Variants in CHIC1 observed in about 807,000 individuals in gnomAD.
CHIC1 encodes the protein cysteine-rich hydrophobic domain-containing protein 1.
Under a neutral mutation model 18.5 loss-of-function variants are expected in CHIC1, and 7 were observed. The observed-to-expected ratio is 0.38, with a 90% CI of 0.22 to 0.71. The LOEUF (loss-of-function observed/expected upper bound fraction) is 0.71. Among genes scored for constraint, CHIC1 ranks in the 30% least tolerant of loss-of-function variants. CHIC1 has a pLI of 0.49. For missense variants in CHIC1, 159 were observed against 176.9 expected (o/e 0.90, Z 0.57); for synonymous variants, 77 against 73.5 (o/e 1.05, Z -0.25).
chrX:73,670,926 C>T (rs1234931597), intron 3 of CHIC1, among the ~76,000 whole-genome samples: 1 of 111,713 alleles, frequency 9.0e-6, no homozygotes, highest in Non-Finnish European at 1.9e-5. Context: ...TTTTACTTAA[C>T]ATGTTTTTTG....
chrX:73,640,226 G>C (rs910039602), intron 3 of CHIC1, among the ~76,000 whole-genome samples: 10 of 111,597 alleles, frequency 9.0e-5, no homozygotes, highest in Non-Finnish European at 1.5e-4. Flanking sequence ...AGTTTATTGA[G>C]GGTTTTTAAC....
chrX:73,578,952 G>T (rs1384835378), intron 2 of CHIC1, among the ~76,000 whole-genome samples: 3 of 110,344 alleles, frequency 2.7e-5, no homozygotes, highest in Non-Finnish European at 3.8e-5. Flanking sequence ...TTTCTGTCAT[G>T]GATTTTCCAA....
intron 3 of CHIC1, among the ~76,000 whole-genome samples, chrX:73,675,302 C>T (rs995507977): frequency 2.0e-4 from 22 of 111,293 alleles, no homozygotes; most frequent in Non-Finnish European, 3.6e-4. Context: ...CTTTCTGTCT[C>T]GTTGATCTGT....
intron 3 of CHIC1, among the ~76,000 whole-genome samples, chrX:73,597,634 T>C (rs1012476429): frequency 4.6e-5 from 5 of 108,196 alleles, no homozygotes; most frequent in South Asian, 7.9e-4. Context: ...TATATATATA[T>C]ACGCACTATA....
At chrX:73,612,124 A>T (rs376814483) in intron 3 of CHIC1, among the ~76,000 whole-genome samples, 2 of 110,537 alleles carry the variant, frequency 1.8e-5, no homozygotes, top group African/African-American at 6.6e-5. Context: ...GTATTGCCTA[A>T]GTTTTCTTCT....
chrX:73,589,008 C>A (rs1262966555), intron 3 of CHIC1, among the ~76,000 whole-genome samples: 1 of 109,895 alleles, frequency 9.1e-6, no homozygotes, highest in Non-Finnish European at 1.9e-5. Flanking sequence ...TGGTCTTGTT[C>A]ATTTTTTCTG....
chrX:73,604,312 A>G (rs1288065136), intron 3 of CHIC1, among the ~76,000 whole-genome samples: 2 of 105,100 alleles, frequency 1.9e-5, no homozygotes, highest in Non-Finnish European at 3.8e-5. Context: ...TGTTTATAGT[A>G]TTCTCTGATG....
chrX:73,653,057 G>A (rs1470179986), intron 3 of CHIC1, among the ~76,000 whole-genome samples: 1 of 111,909 alleles, frequency 8.9e-6, no homozygotes, highest in African/African-American at 3.2e-5. Flanking sequence ...CATAAAAAGA[G>A]ATTATTTCCT....
intron 3 of CHIC1, among the ~76,000 whole-genome samples, chrX:73,608,983 A>G (rs112181772): frequency 0.11 from 11,786 of 105,699 alleles, 875 homozygotes; most frequent in African/African-American, 0.15. Flanking sequence ...GTGAAACCCC[A>G]TCTCTACTAT....
chrX:73,655,460 G>GTATATATATATACATATATACACAATAT (rs1183365780), intron 3 of CHIC1, among the ~76,000 whole-genome samples: 1 of 39,855 alleles, frequency 2.5e-5, no homozygotes, highest in African/African-American at 7.7e-5. Flanking sequence ...ACACAATATT[G>GTATATATATATACATATATACACAATAT]TGTATATATA....
intron 3 of CHIC1, among the ~76,000 whole-genome samples, chrX:73,655,398 C>CAT (rs1391453487): frequency 2.1e-5 from 2 of 95,336 alleles, no homozygotes; most frequent in Non-Finnish European, 4.2e-5. Flanking sequence ...TATATATGTA[C>CAT]ATATATATAC....
chrX:73,576,256 T>G (rs1397966247), intron 1 of CHIC1, among the ~76,000 whole-genome samples: 1 of 110,763 alleles, frequency 9.0e-6, no homozygotes, highest in Non-Finnish European at 1.9e-5. Flanking sequence ...AGTAAATACA[T>G]AAGCCAGTAA....
At chrX:73,611,354 A>C (rs1408539558) in intron 3 of CHIC1, among the ~76,000 whole-genome samples, 2 of 108,422 alleles carry the variant, frequency 1.8e-5, no homozygotes, top group East Asian at 2.8e-4. Flanking sequence ...TGAACTCATC[A>C]TTTTTTATGG....
intron 3 of CHIC1, among the ~76,000 whole-genome samples, chrX:73,652,150 A>G (rs2057920102): frequency 8.9e-6 from 1 of 112,069 alleles, no homozygotes; most frequent in Non-Finnish European, 1.9e-5. Context: ...TTTTCTATTC[A>G]ATAAATGGTG....
intron 3 of CHIC1, among the ~76,000 whole-genome samples, chrX:73,668,737 G>A (rs1298349333): frequency 8.9e-6 from 1 of 111,952 alleles, no homozygotes; most frequent in African/African-American, 3.2e-5. Flanking sequence ...CTCCATTCCA[G>A]GGCAGTACTG....
intron 1 of CHIC1, among the ~76,000 whole-genome samples, chrX:73,572,409 T>A (rs1470671013): frequency 9.0e-6 from 1 of 111,044 alleles, no homozygotes; most frequent in East Asian, 2.8e-4. Context: ...CTATGCATAA[T>A]GCTGCGATGA....
chrX:73,625,453 A>G (rs950932574), intron 3 of CHIC1, among the ~76,000 whole-genome samples: 18 of 111,880 alleles, frequency 1.6e-4, no homozygotes, highest in African/African-American at 5.8e-4. Context: ...CAGGGAGGCT[A>G]GAGAAAGACC....
At chrX:73,611,508 GTT>G in intron 3 of CHIC1, among the ~76,000 whole-genome samples, 2 of 108,810 alleles carry the variant, frequency 1.8e-5, no homozygotes, top group African/African-American at 7.2e-5. Flanking sequence ...ATAGCAGCAT[GTT>G]ATATAATCCT....
chrX:73,644,800 T>G lies in CHIC1; in HGVS notation c.508-34526T>G, dbSNP rs368486706. Among the ~76,000 whole-genome samples, 4 of 108,765 alleles carry G rather than the reference T, an allele frequency of 3.7e-5. No homozygotes were observed. In the Admixed American group the frequency reaches 3.9e-4, roughly 11 times the overall value. The allele number at this position is 108,765 out of a possible 115,157, so 94.4% of individuals were successfully genotyped here. A position where few individuals can be genotyped will look rare whatever the true frequency, so the allele number is the denominator to read the frequency against. ...TGCCGTCTGTCATCCAGGTTTGCTG[T>G]TTTTTTAAGCCCATTTTGGAAAAGC... On this transcript the variant is annotated intron_variant, in intron 3 of 5. Coordinates refer to ENST00000373502, the MANE Select transcript of CHIC1 (RefSeq NM_001039840.4).
Sources: allele counts gnomAD v4.1 joint callset (sites outside exome capture counted in the v4.1 genomes callset), GRCh38; gene constraint gnomAD v4.1.1; transcripts MANE v1.5; gene names NCBI Gene and HGNC (gene_info 2026-07-23, HGNC 2026-07-21).